Variants in LAP3 observed in about 807,000 individuals in gnomAD.
The protein encoded by LAP3 is leucine aminopeptidase 3, also known as cytosol aminopeptidase.
Under a neutral mutation model 58.8 loss-of-function variants are expected in LAP3, and 46 were observed. The observed-to-expected ratio is 0.78, with a 90% CI of 0.62 to 1.00. LAP3 has a LOEUF of 1.00. LAP3 is among the 50% of genes least tolerant of loss of function. The probability of loss-of-function intolerance (pLI) is 0.00; values close to 1 mark genes in which losing one functional copy is unlikely to be tolerated. For synonymous variants in LAP3, 257 were observed against 237.7 expected, an observed-to-expected ratio of 1.08 and a Z score of -0.75; for missense variants, 615 against 659.1, an observed-to-expected ratio of 0.93 and a Z score of 0.73.
At chr4:17,598,164 A>T in intron 9 of LAP3, among the ~76,000 whole-genome samples, 1 of 151,910 alleles carries the variant, frequency 6.6e-6, no homozygotes, top group East Asian at 1.9e-4. Context: ...TTATATTATT[A>T]TTTTTTTATT....
chr4:17,584,334 C>G (rs771506545), intron 5 of LAP3, among the ~76,000 whole-genome samples: 13 of 152,226 alleles, frequency 8.5e-5, no homozygotes, highest in Non-Finnish European at 1.3e-4. Context: ...GTATCATCAT[C>G]CAAAAGAGCA....
intron 2 of LAP3, among the ~76,000 whole-genome samples, chr4:17,580,185 T>TATATATATATATATATATATA: frequency 2.5e-4 from 8 of 32,042 alleles, no homozygotes; most frequent in African/African-American, 3.6e-4. Flanking sequence ...TATATATGTA[T>TATATATATATATATATATATA]TTTTTTTTTT....
In LAP3 at chr4:17,597,119, C is replaced by T; in HGVS notation, c.1062C>T (p.Asn354=). Residue 354 remains asparagine, a synonymous_variant, in exon 9 of 13, where the codon AAC becomes AAT. Coordinates refer to ENST00000226299, the MANE Select transcript of LAP3 (RefSeq NM_015907.3). ...NKPGDVVRAK[N]GKTIQVDNTD... ...CGGGGGATGTTGTTAGAGCCAAAAA[C>T]GGGAAGACCATCCAGGTTTGTAAAT... 8 of 1,614,200 alleles carry T rather than the reference C, an allele frequency of 5.0e-6. No individual in the cohort carries two copies. Among genetic ancestry groups the T allele is most frequent in the East Asian group, 2.2e-5 (1 of 44,886 alleles).
intron 7 of LAP3, among the ~76,000 whole-genome samples, chr4:17,593,609 G>GTTTTTTTTT (rs55676326): frequency 0.024 from 2,078 of 87,498 alleles, 210 homozygotes; most frequent in East Asian, 0.031. Flanking sequence ...ATCTGCTTGG[G>GTTTTTTTTT]TTTTTTTTTT....
chr4:17,601,579 A>C (rs1430561086), intron 10 of LAP3, among the ~76,000 whole-genome samples: 1 of 152,200 alleles, frequency 6.6e-6, no homozygotes, highest in African/African-American at 2.4e-5. Context: ...ATTGTCCCTC[A>C]GTATGCGTGG....
chr4:17,582,065 C>G (rs1214067744), intron 3 of LAP3: 1 of 592,212 alleles, frequency 1.7e-6, no homozygotes, highest in Non-Finnish European at 3.0e-6. Context: ...CAAGAGTATC[C>G]TCACTTACTC....
At chr4:17,601,176 CA>C (rs1389823547) in intron 10 of LAP3, among the ~76,000 whole-genome samples, 9 of 152,158 alleles carry the variant, frequency 5.9e-5, no homozygotes, top group African/African-American at 2.2e-4. Context: ...AGACTATGAG[CA>C]ATTCTGGTAA....
Position 17,580,165 on chromosome 4 carries a change from C to CATATATATGTATAT in LAP3, c.218+234_218+235insGTATATATATATAT, listed in dbSNP as rs1553880882. On this transcript the variant is annotated intron_variant, in intron 2 of 12. Transcript: ENST00000226299. ...GGCATGCCTCACCACTCCCGGCTTT[C>CATATATATGTATAT]ATATATATATATATATGTATTTTTT... 4.3e-5 allele frequency among the ~76,000 whole-genome samples: 2 copies of CATATATATGTATAT among 45,984 alleles called. 1 individual carries two copies. The highest frequency in any genetic ancestry group is 2.6e-4 in the African/African-American group (2 of 7,810). The allele number at this position is 45,984 out of a possible 152,430, so 30.2% of individuals were successfully genotyped here. A position where few individuals can be genotyped will look rare whatever the true frequency, so the allele number is the denominator to read the frequency against.
At chr4:17,605,522 A>T (rs1305404205) in intron 11 of LAP3, among the ~76,000 whole-genome samples, 1 of 152,190 alleles carries the variant, frequency 6.6e-6, no homozygotes, top group African/African-American at 2.4e-5. Context: ...ACTAGTAATT[A>T]ATGGGAGCTT....
intron 4 of LAP3, 63 bp downstream of exon 4, chr4:17,582,456 C>T (rs1713390606): frequency 7.6e-7 from 1 of 1,309,496 alleles, no homozygotes; most frequent in East Asian, 2.5e-5. Flanking sequence ...ACCTCTCTTT[C>T]CCCTTTTTGT....
intron 6 of LAP3, among the ~76,000 whole-genome samples, chr4:17,588,372 T>G (rs1265133880): frequency 6.6e-6 from 1 of 152,200 alleles, no homozygotes; most frequent in African/African-American, 2.4e-5. Flanking sequence ...TTCAAACTCC[T>G]GAGCTGAAGC....
At position 17,582,286 on chromosome 4, in the gene LAP3, A is replaced by G; in HGVS notation, c.274-2A>G. 2 of 1,612,790 alleles carry G rather than the reference A, an allele frequency of 1.2e-6. No individual in the cohort carries two copies. Among genetic ancestry groups the G allele is most frequent in the Non-Finnish European group, 1.7e-6 (2 of 1,178,858 alleles). On this transcript the variant is annotated splice_acceptor_variant, in intron 3 of 12. Transcript: ENST00000226299. LOFTEE classifies it high-confidence loss of function. ...GGTTGATTTGGTGTATCTGTGGGAC[A>G]GGACTTCCCCAGCGTGGTGCTAGTT...
chr4:17,582,520 A>G (rs1713392015), intron 4 of LAP3, 127 bp downstream of exon 4: 1 of 691,648 alleles, frequency 1.4e-6, no homozygotes, highest in African/African-American at 1.8e-5. Context: ...ATTCATCTTA[A>G]CAAAAATTCA....
chr4:17,578,670 A>C (rs957015696), intron 1 of LAP3, among the ~76,000 whole-genome samples: 4 of 152,238 alleles, frequency 2.6e-5, no homozygotes, highest in African/African-American at 9.6e-5. Context: ...TTTTAAAGTC[A>C]TAAATTGCCG....
chr4:17,583,045 C>T (rs1333254621), intron 4 of LAP3, among the ~76,000 whole-genome samples: 1 of 152,162 alleles, frequency 6.6e-6, no homozygotes, highest in East Asian at 1.9e-4. Context: ...TTTTTGCTGA[C>T]CTGATCTTAA....
At chr4:17,577,639 G>C (rs1189377088) in intron 1 of LAP3, 72 bp downstream of exon 1, 1 of 1,245,726 alleles carries the variant, frequency 8.0e-7, no homozygotes, top group Non-Finnish European at 1.1e-6. Context: ...TGCGGGGCTG[G>C]TCGAAGCCGC....
At chr4:17,583,436 G>A (rs759827018) in intron 4 of LAP3, 47 bp from the exon 5 acceptor site, 57 of 1,607,876 alleles carry the variant, frequency 3.5e-5, no homozygotes, top group Non-Finnish European at 4.3e-5. Flanking sequence ...TGCTCTTTGA[G>A]TTGTCTTGGA....
intron 7 of LAP3, among the ~76,000 whole-genome samples, chr4:17,591,297 C>T (rs561872965): frequency 3.3e-5 from 5 of 152,018 alleles, no homozygotes; most frequent in South Asian, 2.1e-4. Context: ...TCTGCCACCA[C>T]GCCTGGCTAA....
chr4:17,591,464 G>T (rs1713688809), intron 7 of LAP3, among the ~76,000 whole-genome samples: 1 of 152,122 alleles, frequency 6.6e-6, no homozygotes, highest in African/African-American at 2.4e-5. Context: ...CTTGCCAATT[G>T]TGACACAAAT....
Sources: allele counts gnomAD v4.1 joint callset (sites outside exome capture counted in the v4.1 genomes callset), GRCh38; gene constraint gnomAD v4.1.1; transcripts MANE v1.5; gene names NCBI Gene and HGNC (gene_info 2026-07-23, HGNC 2026-07-21).